The following CFAP97D2 variants were observed in gnomAD, a reference collection of about 807,000 sequenced individuals.
CFAP97D2 encodes CFAP97 domain containing 2.
intron 1 of CFAP97D2, among the ~76,000 whole-genome samples, chr13:114,182,584 T>C (rs892239927): frequency 3.3e-4 from 51 of 152,288 alleles, no homozygotes; most frequent in Non-Finnish European, 4.9e-4. Context: ...AATACCCCGC[T>C]TTCAAGGGCA....
At chr13:114,220,596 C>T (rs546308169) in intron 4 of CFAP97D2, among the ~76,000 whole-genome samples, 52 of 152,294 alleles carry the variant, frequency 3.4e-4, no homozygotes, top group Admixed American at 5.9e-4. Context: ...CCAACAAAAC[C>T]CACTGGCCAT....
chr13:114,200,732 A>T, intron 3 of CFAP97D2, among the ~76,000 whole-genome samples: 1 of 152,360 alleles, frequency 6.6e-6, no homozygotes, highest in Non-Finnish European at 1.5e-5. Context: ...CGCTTGACTC[A>T]GAACCCTCAC....
At chr13:114,183,893 A>C (rs2080846020) in intron 1 of CFAP97D2, among the ~76,000 whole-genome samples, 1 of 152,218 alleles carries the variant, frequency 6.6e-6, no homozygotes, top group African/African-American at 2.4e-5. Context: ...CATGCCTGTA[A>C]TCCCAGCACT....
At chr13:114,210,605 C>T (rs1445810214) in intron 3 of CFAP97D2, among the ~76,000 whole-genome samples, 3 of 152,040 alleles carry the variant, frequency 2.0e-5, no homozygotes, top group Non-Finnish European at 4.4e-5. Flanking sequence ...GCCTCCCTGC[C>T]TGTCTGTCCT....
intron 3 of CFAP97D2, among the ~76,000 whole-genome samples, chr13:114,201,085 A>G (rs1337448981): frequency 6.6e-6 from 1 of 152,152 alleles, no homozygotes; most frequent in Non-Finnish European, 1.5e-5. Flanking sequence ...GTGAAAATGA[A>G]TATCAGCAGG....
intron 1 of CFAP97D2, among the ~76,000 whole-genome samples, chr13:114,193,926 C>G (rs943313029): frequency 1.4e-4 from 21 of 152,272 alleles, no homozygotes; most frequent in African/African-American, 5.1e-4. Context: ...ACCACTGCAC[C>G]TTGCCAAAGT....
intron 1 of CFAP97D2, among the ~76,000 whole-genome samples, chr13:114,194,498 G>A (rs1166110734): frequency 1.3e-5 from 2 of 152,134 alleles, no homozygotes; most frequent in African/African-American, 4.8e-5. Context: ...GCCTTTTTAC[G>A]TGAGTCCTGA....
intron 1 of CFAP97D2, among the ~76,000 whole-genome samples, chr13:114,191,996 T>A (rs2080871086): frequency 7.6e-6 from 1 of 132,418 alleles, no homozygotes; most frequent in Non-Finnish European, 1.5e-5. Context: ...CATACTATAT[T>A]ATTCTAACAC....
chr13:114,221,348 A>T (rs975998337), intron 4 of CFAP97D2, among the ~76,000 whole-genome samples: 1 of 152,254 alleles, frequency 6.6e-6, no homozygotes, highest in East Asian at 1.9e-4. Context: ...CCATCCAGCA[A>T]CAAGCCAACA....
Position 114,185,637 on chromosome 13 carries a change from C to T in CFAP97D2, c.90+6217C>T, listed in dbSNP as rs1045324196. On this transcript the variant is annotated intron_variant, in intron 1 of 4. Transcript: ENST00000646158. The surrounding 1 kb of genome is among the most constrained non-coding windows in gnomAD (Gnocchi z 5.2). ...CCTGCTCCCACTGCCTGGCTTCTCCCCACTGTTGGCACCAGCTCCGATCTT... is the reference window on the plus strand; with the variant it reads ...CCTGCTCCCACTGCCTGGCTTCTCCTCACTGTTGGCACCAGCTCCGATCTT... 5.9e-5 allele frequency among the ~76,000 whole-genome samples: 9 copies of T among 152,246 alleles called. No individual in the cohort carries two copies. The highest frequency in any genetic ancestry group is 1.9e-4 in the African/African-American group (8 of 41,472).
intron 3 of CFAP97D2, among the ~76,000 whole-genome samples, chr13:114,210,801 T>G (rs2080963293): frequency 6.6e-6 from 1 of 151,678 alleles, no homozygotes; most frequent in African/African-American, 2.4e-5. Context: ...CTGCCAACAG[T>G]GCCTCCCTCT....
Position 114,203,426 on chromosome 13 carries a change from A to G in CFAP97D2, c.290+2983A>G, listed in dbSNP as rs973921225. Among the ~76,000 whole-genome samples the G allele has an allele frequency of 6.6e-6, 1 of 152,238 alleles. No homozygotes were observed. The highest frequency in any genetic ancestry group is 1.5e-5 in the Non-Finnish European group (1 of 68,050). On this transcript the variant is annotated intron_variant, in intron 3 of 4. Transcript: ENST00000646158. The surrounding 1 kb of genome is among the most constrained non-coding windows in gnomAD (Gnocchi z 4.3). Reference sequence around the variant, plus strand: ...AAAAATTGAAGATCTAAATAAATGGAAAAATATCCCACGTGTATGGATTCA... The same window carrying G: ...AAAAATTGAAGATCTAAATAAATGGGAAAATATCCCACGTGTATGGATTCA...
intron 1 of CFAP97D2, among the ~76,000 whole-genome samples, chr13:114,194,149 T>C (rs2138759229): frequency 6.6e-6 from 1 of 152,342 alleles, no homozygotes; most frequent in African/African-American, 2.4e-5. Context: ...CAAATACAGA[T>C]TGAATGATGG....
intron 1 of CFAP97D2, among the ~76,000 whole-genome samples, chr13:114,181,861 C>A (rs1415918592): frequency 1.3e-5 from 2 of 152,082 alleles, no homozygotes; most frequent in Non-Finnish European, 2.9e-5. Flanking sequence ...GTGGCCCCTG[C>A]CCCCAGCGCT....
chr13:114,198,494 T>C (rs542022003), intron 2 of CFAP97D2, among the ~76,000 whole-genome samples: 36 of 152,370 alleles, frequency 2.4e-4, no homozygotes, highest in Non-Finnish European at 4.3e-4. Flanking sequence ...AAAGATTTCC[T>C]CATTAGCACC....
intron 3 of CFAP97D2, among the ~76,000 whole-genome samples, chr13:114,210,890 A>ACACT (rs939966769): frequency 6.6e-6 from 1 of 150,504 alleles, no homozygotes; most frequent in Non-Finnish European, 1.5e-5. Context: ...ACACACACAC[A>ACACT]CTTTAATGGC....
At chr13:114,217,862 G>T (rs1194067295) in intron 4 of CFAP97D2, among the ~76,000 whole-genome samples, 1 of 152,190 alleles carries the variant, frequency 6.6e-6, no homozygotes, top group Non-Finnish European at 1.5e-5. Flanking sequence ...ATTCGGTATT[G>T]ATAGGACGTA....
At chr13:114,215,418 C>T (rs1013844937) in intron 4 of CFAP97D2, among the ~76,000 whole-genome samples, 4 of 152,076 alleles carry the variant, frequency 2.6e-5, no homozygotes, top group Admixed American at 6.5e-5. Context: ...TAGTCAAATC[C>T]ATCAATAATT....
At chr13:114,184,459 T>G (rs949865368) in intron 1 of CFAP97D2, among the ~76,000 whole-genome samples, 1 of 151,580 alleles carries the variant, frequency 6.6e-6, no homozygotes, top group African/African-American at 2.4e-5. Flanking sequence ...CTACAGAAAA[T>G]CAGAGATAGA....
Sources: allele counts gnomAD v4.1 joint callset (sites outside exome capture counted in the v4.1 genomes callset), GRCh38; gene constraint gnomAD v4.1.1; non-coding constraint Gnocchi (gnomAD v3.1); transcripts MANE v1.5; gene names NCBI Gene and HGNC (gene_info 2026-07-23, HGNC 2026-07-21).